ANKRD10: variants seen among roughly 807,000 people sequenced by gnomAD.
ANKRD10 encodes ankyrin repeat domain-containing protein 10.
ANKRD10 carries 14 observed loss-of-function variants against 27.0 expected under a neutral mutation model. The ratio of observed to expected loss-of-function variants is 0.52; its 90% CI spans 0.34 to 0.81. The LOEUF (loss-of-function observed/expected upper bound fraction) is 0.81. Ranked by LOEUF, ANKRD10 falls within the 40% of genes least tolerant of loss-of-function variation. The pLI, the probability that ANKRD10 is intolerant of heterozygous loss-of-function variation, is 0.01. For missense variants in ANKRD10, 493 were observed against 544.0 expected (o/e 0.91, Z 0.93); for synonymous variants, 250 against 224.5 (o/e 1.11, Z -1.01).
intron 4 of ANKRD10, 134 bp from the exon 5 acceptor site, chr13:110,883,927 T>A: frequency 9.8e-7 from 1 of 1,024,146 alleles, no homozygotes; most frequent in Non-Finnish European, 1.4e-6. Context: ...GACAGGTCAC[T>A]AATGAGCTTA....
chr13:110,888,209 C>T (rs1230178385), intron 4 of ANKRD10, among the ~76,000 whole-genome samples: 2 of 150,390 alleles, frequency 1.3e-5, no homozygotes, highest in African/African-American at 4.9e-5. Context: ...AATACAAAAG[C>T]GGCTTGTGAT....
At chr13:110,905,752 AATG>A (rs1374634236) in intron 3 of ANKRD10, among the ~76,000 whole-genome samples, 41 of 152,214 alleles carry the variant, frequency 2.7e-4, no homozygotes, top group Non-Finnish European at 5.0e-4. Context: ...GTGGCAAAGT[AATG>A]ATGCCAAGTT....
chr13:110,898,686 C>T (rs2065294197), intron 3 of ANKRD10, among the ~76,000 whole-genome samples: 1 of 151,988 alleles, frequency 6.6e-6, no homozygotes, highest in Non-Finnish European at 1.5e-5. Context: ...GCTCCTCCCA[C>T]TTCAGCCTCC....
At chr13:110,890,281 G>GA (rs995551474) in intron 4 of ANKRD10, among the ~76,000 whole-genome samples, 39 of 151,318 alleles carry the variant, frequency 2.6e-4, no homozygotes, top group South Asian at 1.5e-3. Flanking sequence ...GTAATTGGCA[G>GA]AAAAAAAAAT....
chr13:110,890,774 C>T (rs2138834655), intron 4 of ANKRD10, among the ~76,000 whole-genome samples: 1 of 149,884 alleles, frequency 6.7e-6, no homozygotes, highest in African/African-American at 2.4e-5. Flanking sequence ...GGCTTGGGAC[C>T]AGGAATGTAT....
intron 4 of ANKRD10, 31 bp from the exon 5 acceptor site, chr13:110,883,824 C>T (rs1343053758): frequency 6.2e-7 from 1 of 1,610,334 alleles, no homozygotes; most frequent in African/African-American, 1.3e-5. Flanking sequence ...ATTTCAGATT[C>T]CTTTGTCTGT....
At chr13:110,914,535 G>A (rs1415384648) in intron 1 of ANKRD10, 190 bp downstream of exon 1, 9 of 739,922 alleles carry the variant, frequency 1.2e-5, no homozygotes, top group African/African-American at 1.9e-5. Context: ...CCCCCCGGCT[G>A]CCCCGCCGCG....
intron 2 of ANKRD10, among the ~76,000 whole-genome samples, chr13:110,907,441 TCA>T (rs749948687): frequency 1.1e-3 from 174 of 152,060 alleles, no homozygotes; most frequent in Non-Finnish European, 2.0e-3. Context: ...ATTCCTAAAC[TCA>T]CTAAATAGCT....
At chr13:110,911,268 G>A (rs1009140012) in intron 1 of ANKRD10, among the ~76,000 whole-genome samples, 13 of 151,678 alleles carry the variant, frequency 8.6e-5, no homozygotes, top group Non-Finnish European at 1.5e-5. Context: ...TGGCCAACAT[G>A]GTGAAACCCC....
chr13:110,894,682 C>A (rs927864995), intron 3 of ANKRD10: 6 of 152,290 alleles, frequency 3.9e-5, no homozygotes, highest in African/African-American at 1.4e-4. Flanking sequence ...CAGAAACCAA[C>A]AAAATTCTTA....
At chr13:110,890,483 CA>C (rs2065045948) in intron 4 of ANKRD10, among the ~76,000 whole-genome samples, 2 of 152,118 alleles carry the variant, frequency 1.3e-5, no homozygotes, top group Admixed American at 1.3e-4. Context: ...ACGAGTGTGG[CA>C]AATCTAAGGA....
At position 110,885,250 on chromosome 13, in the gene ANKRD10, A is replaced by G. The variant is rs528802177; in HGVS notation, c.692-1457T>C. Among the ~76,000 whole-genome samples the G allele has an allele frequency of 3.9e-5, 6 of 152,236 alleles. No individual in the cohort carries two copies. In the South Asian group the frequency reaches 1.0e-3, roughly 26 times the overall value. ...GTGTAAGCAGGGCATCTTTTGAAAAAAAGAGAGAGAAAAAAAAAAGGGCTG... is the reference window on the plus strand; with the variant it reads ...GTGTAAGCAGGGCATCTTTTGAAAAGAAGAGAGAGAAAAAAAAAAGGGCTG... On this transcript the variant is annotated intron_variant, in intron 4 of 5. Coordinates refer to ENST00000267339, the MANE Select transcript of ANKRD10 (RefSeq NM_017664.4).
intron 3 of ANKRD10, among the ~76,000 whole-genome samples, chr13:110,905,484 T>A (rs1042491062): frequency 2.0e-5 from 3 of 152,202 alleles, no homozygotes; most frequent in Admixed American, 6.5e-5. Context: ...AAGCTTGAGG[T>A]CTTTAATGTA....
At chr13:110,894,426 A>AAAAAAAAAAAAAAAAC in intron 3 of ANKRD10, 2 of 272,134 alleles carry the variant, frequency 7.3e-6, no homozygotes, top group African/African-American at 4.9e-5. Flanking sequence ...AAAAAAAAAA[A>AAAAAAAAAAAAAAAAC]ACCCCGCATT....
At chr13:110,909,354 A>T (rs2065628082) in intron 2 of ANKRD10, among the ~76,000 whole-genome samples, 1 of 152,190 alleles carries the variant, frequency 6.6e-6, no homozygotes, top group Non-Finnish European at 1.5e-5. Flanking sequence ...CTACCAGGGG[A>T]CAGGGGTAGG....
At chr13:110,909,844 C>T (rs2065644627) in intron 2 of ANKRD10, among the ~76,000 whole-genome samples, 2 of 152,154 alleles carry the variant, frequency 1.3e-5, no homozygotes, top group African/African-American at 2.4e-5. Context: ...GACTATAAAG[C>T]ATTTAAAGAT....
chr13:110,894,268 A>G (rs2065159299), intron 3 of ANKRD10: 1 of 1,071,992 alleles, frequency 9.3e-7, no homozygotes, highest in East Asian at 2.4e-5. Flanking sequence ...ACTTAACAGC[A>G]AAGACAGCTT....
intron 3 of ANKRD10, among the ~76,000 whole-genome samples, chr13:110,896,569 G>T (rs1270196626): frequency 2.0e-5 from 3 of 152,138 alleles, no homozygotes; most frequent in Non-Finnish European, 4.4e-5. Context: ...GCACATTATA[G>T]AAATTGGCCT....
At chr13:110,897,756 T>C (rs1239754329) in intron 3 of ANKRD10, among the ~76,000 whole-genome samples, 2 of 152,214 alleles carry the variant, frequency 1.3e-5, no homozygotes, top group African/African-American at 4.8e-5. Context: ...TATTTTTAGT[T>C]TGTTCAGGAA....
Sources: allele counts gnomAD v4.1 joint callset (sites outside exome capture counted in the v4.1 genomes callset), GRCh38; gene constraint gnomAD v4.1.1; transcripts MANE v1.5; gene names NCBI Gene and HGNC (gene_info 2026-07-23, HGNC 2026-07-21).